The following CNOT7 variants were observed in gnomAD, a reference collection of about 807,000 sequenced individuals.
CNOT7 encodes the protein BTG1-binding factor 1.
CNOT7 carries 4 observed loss-of-function variants against 37.1 expected under a neutral mutation model. The observed-to-expected ratio is 0.11, with a 90% CI of 0.05 to 0.25. CNOT7 has a LOEUF of 0.25. CNOT7 is among the 10% of genes least tolerant of loss of function. The pLI, the probability that CNOT7 is intolerant of heterozygous loss-of-function variation, is 1.00. For missense variants in CNOT7, 170 were observed against 336.2 expected, an observed-to-expected ratio of 0.51 and a Z score of 3.87; for synonymous variants, 128 against 115.6, an observed-to-expected ratio of 1.11 and a Z score of -0.69.
intron 3 of CNOT7, chr8:17,242,134 C>A (rs1418120467): frequency 6.6e-6 from 1 of 152,168 alleles, no homozygotes; most frequent in African/African-American, 2.4e-5. Context: ...AATCAGAGGA[C>A]CCGGGAGAAA....
intron 5 of CNOT7, among the ~76,000 whole-genome samples, chr8:17,233,380 G>A (rs546400603): frequency 5.3e-5 from 8 of 152,318 alleles, no homozygotes; most frequent in Non-Finnish European, 1.0e-4. Context: ...ATTAGGTATC[G>A]TTAGCAGCTG....
intron 6 of CNOT7, chr8:17,231,826 G>GA (rs915679426): frequency 2.0e-5 from 20 of 985,678 alleles, no homozygotes; most frequent in Non-Finnish European, 2.4e-5. Context: ...TGCCGTTTAA[G>GA]GAGGGTTTTC....
intron 1 of CNOT7, 60 bp downstream of exon 1, chr8:17,246,615 C>G (rs1811169376): frequency 1.3e-5 from 2 of 155,686 alleles, no homozygotes; most frequent in South Asian, 3.1e-4. Flanking sequence ...GTCCCCGCCC[C>G]CTTTCTACTT....
chr8:17,225,761 T>C lies in CNOT7; in HGVS notation c.*4959A>G, dbSNP rs1331308936. On this transcript the variant is annotated 3_prime_UTR_variant, in exon 7 of 7. Coordinates refer to ENST00000361272, the MANE Select transcript of CNOT7 (RefSeq NM_013354.7). ...CGTTGTTATAAAAGAAACTCTCATA[T>C]AAATTACACCAACATAGCAAATGGC... 6.6e-6 allele frequency: 1 copy of C among 151,746 alleles called. No homozygotes were observed. The highest frequency in any genetic ancestry group is 1.5e-5 in the Non-Finnish European group (1 of 67,728). The allele number at this position is 151,746 out of a possible 1,614,324, so 9.4% of individuals were successfully genotyped here.
intron 4 of CNOT7, among the ~76,000 whole-genome samples, chr8:17,235,960 G>A (rs186630882): frequency 1.3e-5 from 2 of 152,070 alleles, no homozygotes; most frequent in East Asian, 3.9e-4. Context: ...TAAATGAAAG[G>A]GTATGTCATA....
intron 2 of CNOT7, chr8:17,243,621 C>T (rs1042245915): frequency 2.2e-6 from 1 of 457,070 alleles, no homozygotes; most frequent in South Asian, 1.5e-5. Flanking sequence ...AACACCAAAA[C>T]CCTAAGAAAA....
chr8:17,237,853 C>T lies in CNOT7; in HGVS notation c.312-480G>A, dbSNP rs1160918274. ...GAGACCCAGTGGAAAATGTCTCATGCGGATGAGTTAAACTACACTTCATCT... is the reference window on the plus strand; with the variant it reads ...GAGACCCAGTGGAAAATGTCTCATGTGGATGAGTTAAACTACACTTCATCT... On this transcript the variant is annotated intron_variant, in intron 3 of 6. Transcript: ENST00000361272. Among the ~76,000 whole-genome samples, 13 of 152,226 alleles carry T rather than the reference C, an allele frequency of 8.5e-5. 1 individual carries two copies. The highest frequency in any genetic ancestry group is 7.8e-4 in the Admixed American group (12 of 15,290).
intron 2 of CNOT7, chr8:17,244,783 A>C (rs977416611): frequency 2.7e-6 from 1 of 375,220 alleles, no homozygotes; most frequent in Middle Eastern, 7.4e-4. Context: ...AATCCTTCCT[A>C]ACTCTTATTC....
At position 17,227,754 on chromosome 8, in the gene CNOT7, C is replaced by T. The variant is rs1204214534; in HGVS notation, c.*2966G>A. The T allele has an allele frequency of 6.6e-6, 1 of 151,860 alleles. No individual in the cohort carries two copies. The highest frequency in any genetic ancestry group is 1.5e-5 in the Non-Finnish European group (1 of 67,814). The allele number at this position is 151,860 out of a possible 1,614,324, so 9.4% of individuals were successfully genotyped here. On this transcript the variant is annotated 3_prime_UTR_variant, in exon 7 of 7. Transcript: ENST00000361272. ...AGTTATGGTGACACTGCATTATAAA[C>T]ACAATGTACCAGCATATAATAAAAT... is the stretch of plus-strand genomic sequence containing the variant.
At chr8:17,242,697 G>C (rs953567932) in intron 3 of CNOT7, 5 of 217,434 alleles carry the variant, frequency 2.3e-5, no homozygotes, top group Admixed American at 5.9e-5. Context: ...CAAAATTTTT[G>C]AAAGTAAAAC....
At chr8:17,232,148 A>C in intron 6 of CNOT7, 1 of 1,130,510 alleles carries the variant, frequency 8.8e-7, no homozygotes, top group Non-Finnish European at 1.1e-6. Context: ...CTGTTTTCTC[A>C]CCTGAGAAAT....
Position 17,228,238 on chromosome 8 carries a change from T to G in CNOT7, c.*2482A>C, listed in dbSNP as rs1165561704. ...CATAGTTTGACAACCCTTGCTCTAG[T>G]AGATTTAACAGAATATATGAGCCTG... On this transcript the variant is annotated 3_prime_UTR_variant, in exon 7 of 7. Transcript: ENST00000361272. 1 of 151,886 alleles carries G rather than the reference T, an allele frequency of 6.6e-6. No homozygotes were observed. Among genetic ancestry groups the G allele is most frequent in the African/African-American group, 2.4e-5 (1 of 41,422 alleles). 9.4% of individuals were successfully genotyped at this position (151,886 alleles called of 1,614,324 possible). A position where few individuals can be genotyped will look rare whatever the true frequency, so the allele number is the denominator to read the frequency against.
rs1033957769 is a variant in CNOT7, at chr8:17,226,861, TAAAA to T, written c.*3855_*3858del. On this transcript the variant is annotated 3_prime_UTR_variant, in exon 7 of 7. Transcript: ENST00000361272. ...GTTAATTTCCAAAGTTACTCAGTGT[TAAAA>T]AACAGTGGTTGAGGATGGTTTTTCT... is the stretch of plus-strand genomic sequence containing the variant. The T allele has an allele frequency of 6.6e-6, 1 of 151,754 alleles. No individual in the cohort carries two copies. The highest frequency in any genetic ancestry group is 1.5e-5 in the Non-Finnish European group (1 of 67,760). 9.4% of individuals were successfully genotyped at this position (151,754 alleles called of 1,614,324 possible). A position where few individuals can be genotyped will look rare whatever the true frequency, so the allele number is the denominator to read the frequency against.
At chr8:17,232,054 T>C in intron 6 of CNOT7, 1 of 1,042,612 alleles carries the variant, frequency 9.6e-7, no homozygotes, top group Non-Finnish European at 1.2e-6. Flanking sequence ...ATTCCTTGCC[T>C]TGTAGGAGGA....
chr8:17,244,145 T>C (rs371981687), intron 2 of CNOT7, among the ~76,000 whole-genome samples: 22 of 152,212 alleles, frequency 1.4e-4, no homozygotes, highest in African/African-American at 5.1e-4. Flanking sequence ...ACTTGGTTTA[T>C]GGAGCTAATA....
At chr8:17,232,260 G>A in intron 6 of CNOT7, 167 bp downstream of exon 6, 2 of 1,458,780 alleles carry the variant, frequency 1.4e-6, no homozygotes, top group Non-Finnish European at 1.8e-6. Context: ...TACATTTCAA[G>A]ATGACTTATT....
chr8:17,244,085 T>C (rs1302006092), intron 2 of CNOT7, among the ~76,000 whole-genome samples: 1 of 152,230 alleles, frequency 6.6e-6, no homozygotes, highest in African/African-American at 2.4e-5. Context: ...AGCCACTTTA[T>C]TGAATACTAT....
chr8:17,238,460 T>C (rs1364356453), intron 3 of CNOT7, among the ~76,000 whole-genome samples: 4 of 150,434 alleles, frequency 2.7e-5, no homozygotes, highest in Non-Finnish European at 5.9e-5. Context: ...CAGTCTCCCC[T>C]GGAAAATCCT....
chr8:17,226,029 C>CTTTTTTTTTTTTT lies in CNOT7; in HGVS notation c.*4678_*4690dup, dbSNP rs61036000. On this transcript the variant is annotated 3_prime_UTR_variant, in exon 7 of 7. Coordinates refer to ENST00000361272, the MANE Select transcript of CNOT7 (RefSeq NM_013354.7). ...TCTTCTAGTAGAGAGGTGGACAAGCCTTTTTTTTTTTTTTTTTTTTTTTTT... is the reference window on the plus strand; with the variant it reads ...TCTTCTAGTAGAGAGGTGGACAAGCCTTTTTTTTTTTTTTTTTTTTTTTTTTTTTTTTTTTTTT... The CTTTTTTTTTTTTT allele has an allele frequency of 5.1e-4, 30 of 58,718 alleles. 4 individuals carry two copies. The highest frequency in any genetic ancestry group is 1.7e-3 in the African/African-American group (26 of 15,082). The allele number at this position is 58,718 out of a possible 1,614,324, so 3.6% of individuals were successfully genotyped here.
Sources: gnomAD v4.1 joint callset for allele counts (sites outside exome capture counted in the v4.1 genomes callset) on GRCh38, gnomAD v4.1.1 for gene constraint, MANE v1.5 for transcripts, NCBI Gene and HGNC (gene_info 2026-07-23, HGNC 2026-07-21) for gene names.